Variants in ERBB4 observed in about 807,000 individuals in gnomAD.
ERBB4 encodes receptor tyrosine-protein kinase erbB-4.
Under a neutral mutation model 158.0 loss-of-function variants are expected in ERBB4, and 42 were observed. The observed-to-expected ratio is 0.27, with a 90% CI of 0.21 to 0.34. ERBB4 has a LOEUF of 0.34. Ranked by LOEUF, ERBB4 falls within the 10% of genes least tolerant of loss-of-function variation. The pLI, the probability that ERBB4 is intolerant of heterozygous loss-of-function variation, is 1.00. For synonymous variants in ERBB4, 583 were observed against 558.7 expected, an observed-to-expected ratio of 1.04 and a Z score of -0.61; for missense variants, 1,333 against 1,624.1, an observed-to-expected ratio of 0.82 and a Z score of 3.08.
intron 2 of ERBB4, among the ~76,000 whole-genome samples, chr2:212,032,046 A>G (rs2076915610): frequency 6.6e-6 from 1 of 152,088 alleles, no homozygotes; most frequent in Non-Finnish European, 1.5e-5. Context: ...ATATTGCTAA[A>G]TATTATTTTA....
At chr2:212,340,003 C>A (rs1192675414) in intron 1 of ERBB4, among the ~76,000 whole-genome samples, 1 of 151,680 alleles carries the variant, frequency 6.6e-6, no homozygotes, top group African/African-American at 2.4e-5. Context: ...TTACTCTCTT[C>A]AAAATGCATT....
rs1037477637 is a variant in ERBB4, at chr2:212,323,865, G to A, written c.83-198962C>T. ...AATCTCAGAAATCCATGGCTTTTCT[G>A]GCACCTCTTTATTGACTGACGTGTT... On this transcript the variant is annotated intron_variant, in intron 1 of 27. Coordinates refer to ENST00000342788, the MANE Select transcript of ERBB4 (RefSeq NM_005235.3). Among the ~76,000 whole-genome samples, 10 of 150,004 alleles carry A rather than the reference G, an allele frequency of 6.7e-5. 1 individual carries two copies. Among genetic ancestry groups the A allele is most frequent in the Non-Finnish European group, 1.0e-4 (7 of 66,956 alleles).
intron 20 of ERBB4, among the ~76,000 whole-genome samples, chr2:211,549,705 A>T (rs2067030690): frequency 6.6e-6 from 1 of 152,178 alleles, no homozygotes; most frequent in Non-Finnish European, 1.5e-5. Context: ...ATTCCTGAGC[A>T]ATAAACACTT....
chr2:211,975,728 A>G (rs554575531), intron 2 of ERBB4, among the ~76,000 whole-genome samples: 2 of 152,232 alleles, frequency 1.3e-5, no homozygotes, highest in East Asian at 3.9e-4. Context: ...CTTGTATACA[A>G]TTTTTCAATA....
At chr2:212,459,396 CAAG>C (rs1036405336) in intron 1 of ERBB4, among the ~76,000 whole-genome samples, 1 of 151,630 alleles carries the variant, frequency 6.6e-6, no homozygotes, top group African/African-American at 2.4e-5. Context: ...TAAATTTAAA[CAAG>C]AAGGTGAAAG....
chr2:212,006,645 G>A (rs2076265883), intron 2 of ERBB4, among the ~76,000 whole-genome samples: 1 of 151,888 alleles, frequency 6.6e-6, no homozygotes, highest in Non-Finnish European at 1.5e-5. Flanking sequence ...AGCTTTGATT[G>A]GCCCCTTGGC....
At chr2:212,495,841 A>C (rs1443727998) in intron 1 of ERBB4, among the ~76,000 whole-genome samples, 1 of 152,188 alleles carries the variant, frequency 6.6e-6, no homozygotes, top group African/African-American at 2.4e-5. Context: ...ATAACGGTGT[A>C]ATATGTAGTT....
At chr2:212,419,539 A>C (rs1420426294) in intron 1 of ERBB4, among the ~76,000 whole-genome samples, 2 of 151,910 alleles carry the variant, frequency 1.3e-5, no homozygotes, top group Non-Finnish European at 2.9e-5. Context: ...GTTTGTATAC[A>C]TATACATATA....
At chr2:211,688,648 G>A (rs1214620864) in intron 12 of ERBB4, among the ~76,000 whole-genome samples, 2 of 152,018 alleles carry the variant, frequency 1.3e-5, no homozygotes, top group Non-Finnish European at 2.9e-5. Context: ...TTTTAACAAT[G>A]CAAAGTGGGA....
intron 3 of ERBB4, among the ~76,000 whole-genome samples, chr2:211,903,636 G>A (rs1368239097): frequency 6.6e-6 from 1 of 151,934 alleles, no homozygotes; most frequent in Non-Finnish European, 1.5e-5. Flanking sequence ...GTTAGTGACT[G>A]TTTTTCAAAA....
chr2:212,227,313 A>C (rs2083506591), intron 1 of ERBB4, among the ~76,000 whole-genome samples: 1 of 152,052 alleles, frequency 6.6e-6, no homozygotes, highest in African/African-American at 2.4e-5. Flanking sequence ...TATGAACCTC[A>C]ACAAAGCTTC....
At chr2:212,077,640 G>A (rs2078311836) in intron 2 of ERBB4, among the ~76,000 whole-genome samples, 1 of 151,936 alleles carries the variant, frequency 6.6e-6, no homozygotes, top group African/African-American at 2.4e-5. Flanking sequence ...TTGGGAGGAA[G>A]GAGGACAGGG....
intron 1 of ERBB4, among the ~76,000 whole-genome samples, chr2:212,214,910 C>G (rs75677866): frequency 4.0e-5 from 6 of 151,426 alleles, no homozygotes; most frequent in African/African-American, 1.5e-4. Flanking sequence ...ACAAATGATA[C>G]GACACATCAA....
Position 212,322,938 on chromosome 2 carries a change from G to GA in ERBB4, c.83-198036dup, listed in dbSNP as rs35638693. On this transcript the variant is annotated intron_variant, in intron 1 of 27. Transcript: ENST00000342788. ...TGCTAAATGTTATTCTCCCTAGCCG[G>GA]AAAAAAAAATCATTCTTGAAATCAG... Among the ~76,000 whole-genome samples, 61 of 147,684 alleles carry GA rather than the reference G, an allele frequency of 4.1e-4. 4 individuals carry two copies. The highest frequency in any genetic ancestry group is 8.3e-4 in the African/African-American group (34 of 40,772).
intron 3 of ERBB4, among the ~76,000 whole-genome samples, chr2:211,922,477 C>G (rs1371272021): frequency 6.6e-6 from 1 of 151,896 alleles, no homozygotes; most frequent in African/African-American, 2.4e-5. Context: ...TCATAAAATA[C>G]TATCTTAAAA....
At chr2:211,946,444 T>A (rs1347705285) in intron 3 of ERBB4, among the ~76,000 whole-genome samples, 1 of 151,950 alleles carries the variant, frequency 6.6e-6, no homozygotes, top group Non-Finnish European at 1.5e-5. Context: ...TACCACTTAT[T>A]GTACTCAAAG....
chr2:212,414,503 T>C (rs1227241011), intron 1 of ERBB4, among the ~76,000 whole-genome samples: 1 of 152,196 alleles, frequency 6.6e-6, no homozygotes, highest in African/African-American at 2.4e-5. Flanking sequence ...GGCTCTGAAC[T>C]GTTTCATTCT....
At chr2:212,243,330 G>A (rs929209031) in intron 1 of ERBB4, among the ~76,000 whole-genome samples, 33 of 152,178 alleles carry the variant, frequency 2.2e-4, no homozygotes, top group African/African-American at 8.0e-4. Flanking sequence ...AGCATATTGG[G>A]AGGTTATTAT....
At chr2:212,237,505 G>T (rs1056240990) in intron 1 of ERBB4, among the ~76,000 whole-genome samples, 3 of 152,168 alleles carry the variant, frequency 2.0e-5, no homozygotes, top group African/African-American at 4.8e-5. Flanking sequence ...CCTGTATGAG[G>T]TGTCTGTCGA....
Sources: gnomAD v4.1 joint callset for allele counts (sites outside exome capture counted in the v4.1 genomes callset) on GRCh38, gnomAD v4.1.1 for gene constraint, MANE v1.5 for transcripts, NCBI Gene and HGNC (gene_info 2026-07-23, HGNC 2026-07-21) for gene names.